The following SMC1B variants were observed in gnomAD, a reference collection of about 807,000 sequenced individuals.
The protein encoded by SMC1B is structural maintenance of chromosomes 1B, also known as structural maintenance of chromosomes protein 1B.
A neutral mutation model predicts 157.9 loss-of-function variants in SMC1B; 60 were observed. That is an observed-to-expected ratio of 0.38 (90% CI 0.31 to 0.47). The LOEUF is 0.47. Ranked by LOEUF, SMC1B falls within the 20% of genes least tolerant of loss-of-function variation. The probability of loss-of-function intolerance (pLI) is 0.99; values close to 1 mark genes in which losing one functional copy is unlikely to be tolerated. For synonymous variants in SMC1B, 445 were observed against 483.0 expected, an observed-to-expected ratio of 0.92 and a Z score of 1.03; for missense variants, 1,165 against 1,426.2, an observed-to-expected ratio of 0.82 and a Z score of 2.95.
chr22:45,354,876 A>G lies in SMC1B; in HGVS notation c.3118+83T>C, dbSNP rs540236536. ...AAAAAATCTATAACAAAAAGGGACA[A>G]CAGAGGGGAGATTGTTGGCAAATGT... On this transcript the variant is annotated intron_variant, in intron 20 of 24. Coordinates refer to ENST00000357450, the MANE Select transcript of SMC1B (RefSeq NM_148674.5). The G allele has an allele frequency of 3.4e-5, 45 of 1,336,728 alleles. No homozygotes were observed. In the South Asian group the frequency reaches 3.9e-4, roughly 11 times the overall value. 82.8% of individuals were successfully genotyped at this position (1,336,728 alleles called of 1,614,324 possible).
Position 45,385,286 on chromosome 22 carries a change from C to T in SMC1B, c.1911+1581G>A, listed in dbSNP as rs148581277. ...AGATACTGTATGTAGTTTATACATA[C>T]TATAGTTTATAAGTAAACAAGTAAA... is the stretch of plus-strand genomic sequence containing the variant. On this transcript the variant is annotated intron_variant, in intron 11 of 24. Coordinates refer to ENST00000357450, the MANE Select transcript of SMC1B (RefSeq NM_148674.5). 7.3e-4 allele frequency among the ~76,000 whole-genome samples: 111 copies of T among 152,210 alleles called. 4 individuals carry two copies. The East Asian group carries it at 0.019, about 26-fold the overall frequency.
intron 9 of SMC1B, among the ~76,000 whole-genome samples, chr22:45,390,953 T>C (rs1170369707): frequency 6.6e-6 from 1 of 152,188 alleles, no homozygotes; most frequent in Admixed American, 6.5e-5. Flanking sequence ...ATCACTGTCT[T>C]TGCTGTTTAA....
chr22:45,357,389 G>A (rs975215591), intron 19 of SMC1B, among the ~76,000 whole-genome samples: 2 of 152,244 alleles, frequency 1.3e-5, no homozygotes, highest in African/African-American at 4.8e-5. Context: ...TGGATTCCAG[G>A]TCTGTGCTCT....
In SMC1B at chr22:45,345,480, C is replaced by T. The variant is rs1028852870; in HGVS notation, c.3585G>A (p.Ala1195=). 4 of 1,613,118 alleles carry T rather than the reference C, an allele frequency of 2.5e-6. No homozygotes were observed. Among genetic ancestry groups the T allele is most frequent in the Non-Finnish European group, 1.7e-6 (2 of 1,179,090 alleles). ...LKEEFYSRAD[A]LIGIYPEYDD... is the part of the protein sequence containing the mutation. ...TTACCTCAGGATAGATGCCGATCAG[C>T]GCGTCGGCTCTGGAATAGAACTCTT... Residue 1195 remains alanine, a synonymous_variant, in exon 24 of 25, where the codon GCG becomes GCA. Coordinates refer to ENST00000357450, the MANE Select transcript of SMC1B (RefSeq NM_148674.5).
chr22:45,354,385 A>AGTAT (rs1555924709), intron 20 of SMC1B, among the ~76,000 whole-genome samples: 4 of 87,120 alleles, frequency 4.6e-5, no homozygotes, highest in Admixed American at 1.3e-4. Flanking sequence ...TATGTATGTA[A>AGTAT]GTATGTATGT....
In SMC1B at chr22:45,406,694, T is replaced by C. The variant is rs1345289818; in HGVS notation, c.412-31A>G. On this transcript the variant is annotated intron_variant, in intron 3 of 24. Coordinates refer to ENST00000357450, the MANE Select transcript of SMC1B (RefSeq NM_148674.5). ...AAAAACAGTAATGCACATCAACATA[T>C]AAAATATAGTGATGTATTTTCAAAA... 3 of 1,588,982 alleles carry C rather than the reference T, an allele frequency of 1.9e-6. No homozygotes were observed. The African/African-American group carries it at 4.1e-5, about 22-fold the overall frequency.
rs1484611264 is a variant in SMC1B, at chr22:45,406,633, G to T, written c.442C>A (p.Pro148Thr). 3.7e-6 allele frequency: 6 copies of T among 1,613,278 alleles called. No individual in the cohort carries two copies. The highest frequency in any genetic ancestry group is 5.1e-6 in the Non-Finnish European group (6 of 1,179,876). Residue 148 changes from proline to threonine, a missense_variant, in exon 4 of 25, where the codon CCC (proline) becomes ACC (threonine). Physicochemically the swap from Pro to Thr is conservative, Grantham distance 38. Coordinates refer to ENST00000357450, the MANE Select transcript of SMC1B (RefSeq NM_148674.5). Reference sequence around the variant, plus strand: ...TCAAAAAACTGGGTCCTTTCTTTGGGTTTCTTCACTGAAATTGACTCTACA... The same window carrying T: ...TCAAAAAACTGGGTCCTTTCTTTGGTTTTCTTCACTGAAATTGACTCTACA... Reference protein sequence around the residue: ...GTVESISVKKPKERTQFFEEI... With the variant: ...GTVESISVKKTKERTQFFEEI...
intron 12 of SMC1B, among the ~76,000 whole-genome samples, chr22:45,382,285 A>G (rs1344115935): frequency 1.3e-5 from 2 of 152,242 alleles, no homozygotes; most frequent in Admixed American, 1.3e-4. Flanking sequence ...AGAAATACTC[A>G]GCAATTAAAA....
rs577691625 is a variant in SMC1B at position 45,375,249 on chromosome 22, G to A, written c.2059-2957C>T. On this transcript the variant is annotated intron_variant, in intron 12 of 24. Transcript: ENST00000357450. ...GACCTGGAAGCCCCCTCTCTGTTTC[G>A]AGTTATCCTGCCTTTGCTTCCAGTT... Among the ~76,000 whole-genome samples the A allele has an allele frequency of 7.2e-5, 11 of 152,206 alleles. No homozygotes were observed. In the South Asian group the frequency reaches 8.3e-4, roughly 11 times the overall value.
Position 45,386,830 on chromosome 22 carries a change from A to G in SMC1B, c.1911+37T>C, listed in dbSNP as rs757185509. ...TGCTAGTCTTATAAATACTACTTCAACTTATCCAAAGGTGTGATCCAAGCC... is the reference window on the plus strand; with the variant it reads ...TGCTAGTCTTATAAATACTACTTCAGCTTATCCAAAGGTGTGATCCAAGCC... On this transcript the variant is annotated intron_variant, in intron 11 of 24. Coordinates refer to ENST00000357450, the MANE Select transcript of SMC1B (RefSeq NM_148674.5). The G allele has an allele frequency of 6.3e-6, 10 of 1,578,772 alleles. No homozygotes were observed. In the Admixed American group the frequency reaches 1.4e-4, roughly 22 times the overall value.
chr22:45,404,688 ACCTGGAAGCCCTGGCTCCC>A (rs143098435), intron 4 of SMC1B, among the ~76,000 whole-genome samples: 72,906 of 151,740 alleles, frequency 0.48, 20,156 homozygotes, highest in African/African-American at 0.76. Flanking sequence ...TCCACCTATA[ACCTGGAAGCCCTGGCTCCC>A]CCTCCTTTCC....
chr22:45,344,605 G>T lies in SMC1B; in HGVS notation c.3659C>A (p.Pro1220Gln). The T allele has an allele frequency of 6.2e-7, 1 of 1,614,104 alleles. No individual in the cohort carries two copies. The highest frequency in any genetic ancestry group is 8.5e-7 in the Non-Finnish European group (1 of 1,179,952). ...GCTGCTTTCTTGGCCTTCAGTGTCT[G>T]GATACTGAGAAAGATCTAGGGTCAA... Reference protein sequence around the residue: ...RVLTLDLSQYPDTEGQESSKR... With the variant: ...RVLTLDLSQYQDTEGQESSKR... The change falls in exon 25 of 25, where the codon CCA becomes CAA. Residue 1220 changes from proline to glutamine, a missense_variant. Physicochemically the swap from Pro to Gln is moderately conservative, Grantham distance 76 (BLOSUM62 -1). Coordinates refer to ENST00000357450, the MANE Select transcript of SMC1B (RefSeq NM_148674.5).
At chr22:45,386,590 AC>A (rs1479603683) in intron 11 of SMC1B, among the ~76,000 whole-genome samples, 1 of 151,866 alleles carries the variant, frequency 6.6e-6, no homozygotes, top group Non-Finnish European at 1.5e-5. Context: ...AACAACAACA[AC>A]AACAACTAAC....
intron 12 of SMC1B, among the ~76,000 whole-genome samples, chr22:45,378,358 T>C (rs936873975): frequency 1.1e-4 from 16 of 152,158 alleles, no homozygotes; most frequent in Non-Finnish European, 1.9e-4. Context: ...AGCTCTACTT[T>C]AAAAAAACTA....
At chr22:45,345,930 G>A (rs974216965) in intron 23 of SMC1B, among the ~76,000 whole-genome samples, 6 of 152,134 alleles carry the variant, frequency 3.9e-5, no homozygotes, top group African/African-American at 9.7e-5. Flanking sequence ...CAGGCTGGGC[G>A]CAGTGGCTCA....
chr22:45,385,883 A>C (rs1403255438), intron 11 of SMC1B, among the ~76,000 whole-genome samples: 1 of 152,104 alleles, frequency 6.6e-6, no homozygotes, highest in Non-Finnish European at 1.5e-5. Flanking sequence ...ATGTTAGATA[A>C]GTCAATAAAT....
intron 12 of SMC1B, among the ~76,000 whole-genome samples, chr22:45,383,121 G>A (rs549019273): frequency 4.3e-4 from 61 of 140,932 alleles, no homozygotes; most frequent in Non-Finnish European, 6.7e-4. Flanking sequence ...CAACAAGAGC[G>A]AAACTCTGTC....
In SMC1B at chr22:45,345,584, A is replaced by C. The variant is rs745836832; in HGVS notation, c.3496-15T>G. On this transcript the variant is annotated splice_polypyrimidine_tract_variant and intron_variant, in intron 23 of 24. Coordinates refer to ENST00000357450, the MANE Select transcript of SMC1B (RefSeq NM_148674.5). Reference sequence around the variant, plus strand: ...TAACTTGACACCTGGAAGAAATAAAAACACACATTTCACTAGGAAGGAAAG... The same window carrying C: ...TAACTTGACACCTGGAAGAAATAAACACACACATTTCACTAGGAAGGAAAG... 3.3e-6 allele frequency: 5 copies of C among 1,494,206 alleles called. No homozygotes were observed. The highest frequency in any genetic ancestry group is 1.4e-5 in the African/African-American group (1 of 72,632). The allele number at this position is 1,494,206 out of a possible 1,614,324, so 92.6% of individuals were successfully genotyped here.
chr22:45,401,671 C>G (rs372415889), intron 5 of SMC1B, among the ~76,000 whole-genome samples: 17 of 152,238 alleles, frequency 1.1e-4, no homozygotes, highest in African/African-American at 3.9e-4. Context: ...ACCGCCTCCT[C>G]AAGCTCATCT....
Sources: gnomAD v4.1 joint callset for allele counts (sites outside exome capture counted in the v4.1 genomes callset) on GRCh38, gnomAD v4.1.1 for gene constraint, MANE v1.5 for transcripts, NCBI Gene and HGNC (gene_info 2026-07-23, HGNC 2026-07-21) for gene names.